ST7L: variants seen among roughly 807,000 people sequenced by gnomAD.
ST7L encodes suppression of tumorigenicity 7 like, also known as suppressor of tumorigenicity 7 protein-like.
A neutral mutation model predicts 72.5 loss-of-function variants in ST7L; 57 were observed. The ratio of observed to expected loss-of-function variants is 0.79; its 90% CI spans 0.64 to 0.98. The LOEUF (loss-of-function observed/expected upper bound fraction) is 0.98, where lower values mean the gene tolerates loss of function less well. ST7L is among the 50% of genes least tolerant of loss of function. The pLI, the probability that ST7L is intolerant of heterozygous loss-of-function variation, is 0.00. For synonymous variants in ST7L, 221 were observed against 240.9 expected, an observed-to-expected ratio of 0.92 and a Z score of 0.77; for missense variants, 576 against 672.2, an observed-to-expected ratio of 0.86 and a Z score of 1.58.
At chr1:112,618,053 T>C (rs1347775176) in intron 1 of ST7L, 1 of 1,303,924 alleles carries the variant, frequency 7.7e-7, no homozygotes, top group Non-Finnish European at 1.0e-6. Flanking sequence ...TTTGCTGCCT[T>C]TTGCTTCAGA....
chr1:112,547,686 C>A (rs1657376203), intron 13 of ST7L, among the ~76,000 whole-genome samples: 1 of 148,384 alleles, frequency 6.7e-6, no homozygotes, highest in Non-Finnish European at 1.5e-5. Flanking sequence ...CCTCAGCCTT[C>A]CAAGTAGCTG....
At chr1:112,542,144 A>C in intron 13 of ST7L, 54 bp from the exon 14 acceptor site, 1 of 1,444,752 alleles carries the variant, frequency 6.9e-7, no homozygotes, top group Non-Finnish European at 9.3e-7. Flanking sequence ...CATGTAAACA[A>C]GTCTTAATCT....
At chr1:112,614,651 T>TA (rs903021221) in intron 2 of ST7L, among the ~76,000 whole-genome samples, 13 of 151,396 alleles carry the variant, frequency 8.6e-5, no homozygotes, top group South Asian at 2.1e-4. Context: ...CACCTAGAGA[T>TA]AAAAAAAAGA....
intron 11 of ST7L, among the ~76,000 whole-genome samples, chr1:112,566,976 G>T (rs577811398): frequency 6.6e-6 from 1 of 152,124 alleles, no homozygotes; most frequent in African/African-American, 2.4e-5. Context: ...TATATACCTT[G>T]GAGTAGGATT....
At chr1:112,540,113 T>C in intron 14 of ST7L, 1 of 985,466 alleles carries the variant, frequency 1.0e-6, no homozygotes, top group Non-Finnish European at 1.2e-6. Flanking sequence ...AGGCAGACAC[T>C]ATAAACATTA....
intron 3 of ST7L, among the ~76,000 whole-genome samples, chr1:112,605,790 C>T (rs183431416): frequency 1.8e-4 from 28 of 152,264 alleles, no homozygotes; most frequent in African/African-American, 6.3e-4. Flanking sequence ...CTCTGTGGTA[C>T]AGCCCCACCC....
At chr1:112,573,348 C>CAAAAA (rs35107656) in intron 11 of ST7L, among the ~76,000 whole-genome samples, 21 of 69,640 alleles carry the variant, frequency 3.0e-4, no homozygotes, top group Non-Finnish European at 4.8e-4. Flanking sequence ...AACTCCCTCT[C>CAAAAA]AAAAAAAAAA....
chr1:112,573,737 A>G (rs1662553278), intron 11 of ST7L, among the ~76,000 whole-genome samples: 1 of 151,692 alleles, frequency 6.6e-6, no homozygotes, highest in Non-Finnish European at 1.5e-5. Context: ...ACTCATTTAT[A>G]AATCCAGGGC....
Position 112,525,861 on chromosome 1 carries a change from CAATATT to C in ST7L, c.*146_*151del. 3 of 1,075,522 alleles carry C rather than the reference CAATATT, an allele frequency of 2.8e-6. No individual in the cohort carries two copies. Among genetic ancestry groups the C allele is most frequent in the Non-Finnish European group, 3.8e-6 (3 of 782,814 alleles). The allele number at this position is 1,075,522 out of a possible 1,614,324, so 66.6% of individuals were successfully genotyped here. ...CCAAGGGGGGTTTGCCTAGGAATAA[CAATATT>C]CATAAGAAGCTTTTTCATATGCAAA... On this transcript the variant is annotated 3_prime_UTR_variant, in exon 15 of 15. Coordinates refer to ENST00000358039, the MANE Select transcript of ST7L (RefSeq NM_017744.5).
intron 6 of ST7L, among the ~76,000 whole-genome samples, chr1:112,589,183 A>G (rs1665301912): frequency 6.6e-6 from 1 of 152,132 alleles, no homozygotes; most frequent in African/African-American, 2.4e-5. Context: ...TATTTAAAAC[A>G]GTTGATTTAA....
At chr1:112,552,495 C>A (rs1658387661) in intron 12 of ST7L, among the ~76,000 whole-genome samples, 1 of 152,088 alleles carries the variant, frequency 6.6e-6, no homozygotes, top group South Asian at 2.1e-4. Context: ...ATCTCCGCCT[C>A]CCAGGTTCAA....
intron 13 of ST7L, among the ~76,000 whole-genome samples, chr1:112,547,489 G>C (rs1400068793): frequency 6.7e-6 from 1 of 149,428 alleles, no homozygotes; most frequent in African/African-American, 2.5e-5. Flanking sequence ...CCCATGTCTG[G>C]CCCTTCTCAA....
In ST7L at chr1:112,542,099, G is replaced by C. The variant is rs745575278; in HGVS notation, c.1490-9C>G. On this transcript the variant is annotated splice_polypyrimidine_tract_variant and intron_variant, in intron 13 of 14. Transcript: ENST00000358039. ...AGAAACATGATGAAAGGCTGCAATG[G>C]AGAATAGGTAAGAATCAATTTTATT... The C allele has an allele frequency of 1.9e-6, 3 of 1,597,750 alleles. No individual in the cohort carries two copies. The highest frequency in any genetic ancestry group is 2.6e-6 in the Non-Finnish European group (3 of 1,172,760).
chr1:112,541,827 A>C lies in ST7L; in HGVS notation c.1629+124T>G, dbSNP rs1409323715. 2.1e-6 allele frequency: 3 copies of C among 1,462,838 alleles called. No homozygotes were observed. The African/African-American group carries it at 4.3e-5, about 21-fold the overall frequency. 90.6% of individuals were successfully genotyped at this position (1,462,838 alleles called of 1,614,324 possible). A position where few individuals can be genotyped will look rare whatever the true frequency, so the allele number is the denominator to read the frequency against. On this transcript the variant is annotated intron_variant, in intron 14 of 14. Transcript: ENST00000358039. ...GTATTTATGGCAGCAACTATATACAAATCAATTCCTTTAATTTACAACAAA... is the reference window on the plus strand; with the variant it reads ...GTATTTATGGCAGCAACTATATACACATCAATTCCTTTAATTTACAACAAA...
At chr1:112,589,734 G>C (rs1665405493) in intron 6 of ST7L, among the ~76,000 whole-genome samples, 1 of 152,212 alleles carries the variant, frequency 6.6e-6, no homozygotes, top group South Asian at 2.1e-4. Context: ...TGGGCTCTGT[G>C]TGGGTGCTAG....
At chr1:112,611,148 GA>G in intron 2 of ST7L, 145 bp from the exon 3 acceptor site, 2 of 711,722 alleles carry the variant, frequency 2.8e-6, no homozygotes, top group Non-Finnish European at 4.3e-6. Context: ...ACAAACACAA[GA>G]TTCACCAATA....
chr1:112,581,352 T>G lies in ST7L; in HGVS notation c.1069+640A>C, dbSNP rs1664080515. Among the ~76,000 whole-genome samples the G allele has an allele frequency of 2.6e-5, 4 of 151,646 alleles. No homozygotes were observed. The South Asian group carries it at 8.3e-4, about 32-fold the overall frequency. ...AACTGCTGCTCATTTGTCTGTATGC[T>G]CCACTAAACTGTAAATAAACTGTAA... On this transcript the variant is annotated intron_variant, in intron 9 of 14. Coordinates refer to ENST00000358039, the MANE Select transcript of ST7L (RefSeq NM_017744.5).
chr1:112,602,315 T>C (rs946150159), intron 3 of ST7L, among the ~76,000 whole-genome samples: 18 of 152,196 alleles, frequency 1.2e-4, no homozygotes, highest in African/African-American at 3.6e-4. Context: ...TTATTTGCCT[T>C]TTTAAATGTG....
chr1:112,602,512 T>C (rs1324331167), intron 3 of ST7L, among the ~76,000 whole-genome samples: 5 of 152,142 alleles, frequency 3.3e-5, no homozygotes, highest in African/African-American at 4.8e-5. Context: ...CTAGAAGTCA[T>C]TGGATTCTTC....
Sources: gnomAD v4.1 joint callset for allele counts (sites outside exome capture counted in the v4.1 genomes callset) on GRCh38, gnomAD v4.1.1 for gene constraint, MANE v1.5 for transcripts, NCBI Gene and HGNC (gene_info 2026-07-23, HGNC 2026-07-21) for gene names.